PTPRQ: variants seen among roughly 807,000 people sequenced by gnomAD.
PTPRQ encodes phosphatidylinositol phosphatase PTPRQ.
In PTPRQ, 199 loss-of-function variants were observed where a neutral mutation model predicts 246.0. The ratio of observed to expected loss-of-function variants is 0.81; its 90% confidence interval spans 0.72 to 0.91. PTPRQ has a LOEUF of 0.91. Among genes scored for constraint, PTPRQ ranks in the 40% least tolerant of loss-of-function variants. The pLI, the probability that PTPRQ is intolerant of heterozygous loss-of-function variation, is 0.00. For synonymous variants in PTPRQ, 869 were observed against 853.2 expected (o/e 1.02, Z -0.32); for missense variants, 2,624 against 2,528.4 (o/e 1.04, Z -0.81).
intron 17 of PTPRQ, among the ~76,000 whole-genome samples, chr12:80,531,610 G>A (rs1244240276): frequency 2.6e-5 from 4 of 152,130 alleles, no homozygotes; most frequent in Non-Finnish European, 4.4e-5. Context: ...AATGGAGTTC[G>A]AGCCTTGGTG....
chr12:80,531,277 G>GA (rs1213717287), intron 17 of PTPRQ, among the ~76,000 whole-genome samples: 2 of 151,428 alleles, frequency 1.3e-5, no homozygotes, highest in South Asian at 2.1e-4. Flanking sequence ...CATGATAAGA[G>GA]AAAAAAATCA....
intron 6 of PTPRQ, among the ~76,000 whole-genome samples, chr12:80,466,700 C>T (rs28891836): frequency 0.091 from 13,894 of 152,174 alleles, 1,305 homozygotes; most frequent in African/African-American, 0.23. Flanking sequence ...TGAAATAACG[C>T]TGCATATCTA....
intron 18 of PTPRQ, 104 bp from the exon 19 acceptor site, chr12:80,534,788 A>AT (rs2120808818): frequency 1.5e-6 from 2 of 1,375,246 alleles, no homozygotes; most frequent in Non-Finnish European, 1.9e-6. Flanking sequence ...TTTGAAAAAC[A>AT]TTTTTTATCA....
intron 6 of PTPRQ, among the ~76,000 whole-genome samples, chr12:80,467,120 C>T (rs1413931365): frequency 6.6e-6 from 1 of 152,170 alleles, no homozygotes; most frequent in Non-Finnish European, 1.5e-5. Context: ...TGACAAAGGG[C>T]TAATATCCAG....
At chr12:80,483,748 C>A (rs910542291) in intron 8 of PTPRQ, among the ~76,000 whole-genome samples, 1 of 151,664 alleles carries the variant, frequency 6.6e-6, no homozygotes, top group Non-Finnish European at 1.5e-5. Flanking sequence ...CCCCACCCAC[C>A]GACAGGCCCC....
Position 80,542,898 on chromosome 12 carries a change from A to C in PTPRQ, c.3873+17A>C, listed in dbSNP as rs746422059. The C allele has an allele frequency of 2.2e-6, 3 of 1,351,710 alleles. No individual in the cohort carries two copies. The South Asian group carries it at 5.2e-5, about 24-fold the overall frequency. 83.7% of individuals were successfully genotyped at this position (1,351,710 alleles called of 1,614,324 possible). A position where few individuals can be genotyped will look rare whatever the true frequency, so the allele number is the denominator to read the frequency against. On this transcript the variant is annotated intron_variant, in intron 23 of 44. Transcript: ENST00000644991. ...TATTATAAGGTAGGTTGATTATAAC[A>C]GTATATGTTTATTTTTAAAAATCAG...
rs1454830845 is a variant in PTPRQ, at chr12:80,460,705, G to C, written c.713G>C (p.Gly238Ala). 5.0e-6 allele frequency: 2 copies of C among 399,088 alleles called. No individual in the cohort carries two copies. The highest frequency in any genetic ancestry group is 8.8e-6 in the Non-Finnish European group (2 of 226,178). The allele number at this position is 399,088 out of a possible 1,614,324, so 24.7% of individuals were successfully genotyped here. A position where few individuals can be genotyped will look rare whatever the true frequency, so the allele number is the denominator to read the frequency against. ...WSTASPSPTL[G>A]RVTPPSRTTH... ...ACAGCCAGCCCTTCTCCAACCCTTG[G>C]TAGAGTTACACCTCCATCGCGTACC... Residue 238 changes from glycine to alanine, a missense_variant, in exon 6 of 45, where the codon GGT becomes GCT. Gly to Ala is a moderately conservative substitution (Grantham distance 60). Transcript: ENST00000644991.
intron 39 of PTPRQ, among the ~76,000 whole-genome samples, chr12:80,662,020 C>T (rs1202798028): frequency 6.6e-6 from 1 of 151,868 alleles, no homozygotes; most frequent in Admixed American, 6.6e-5. Flanking sequence ...AGTCTCTAGG[C>T]CTATACATTG....
chr12:80,446,657 A>T (rs963269609), intron 3 of PTPRQ, among the ~76,000 whole-genome samples: 1 of 151,912 alleles, frequency 6.6e-6, no homozygotes, highest in African/African-American at 2.4e-5. Flanking sequence ...CATAGCTCCC[A>T]CTTGTAAGTG....
chr12:80,500,815 A>ACTGT (rs1894776217), intron 14 of PTPRQ, among the ~76,000 whole-genome samples: 1 of 152,022 alleles, frequency 6.6e-6, no homozygotes, highest in Non-Finnish European at 1.5e-5. Context: ...GAAACTTGAC[A>ACTGT]CTAGACAATC....
intron 8 of PTPRQ, among the ~76,000 whole-genome samples, chr12:80,481,832 G>A (rs903868913): frequency 7.2e-5 from 11 of 151,998 alleles, no homozygotes; most frequent in Middle Eastern, 3.2e-3. Flanking sequence ...TGTGAAGGAC[G>A]TCTTCAAGGA....
At position 80,606,330 on chromosome 12, in the gene PTPRQ, T is replaced by C. The variant is rs539480999; in HGVS notation, c.4731+1150T>C. The stretch of plus-strand genomic sequence containing the variant: ...GAGATTCACTATGGAATGTGCAAAG[T>C]AAGATGACAACCTAAGGACAGCACC... On this transcript the variant is annotated intron_variant, in intron 27 of 44. Coordinates refer to ENST00000644991, the MANE Select transcript of PTPRQ (RefSeq NM_001145026.2). 2.6e-5 allele frequency among the ~76,000 whole-genome samples: 4 copies of C among 150,998 alleles called. No individual in the cohort carries two copies. In the South Asian group the frequency reaches 6.2e-4, roughly 24 times the overall value.
intron 6 of PTPRQ, among the ~76,000 whole-genome samples, chr12:80,467,664 A>T (rs1330059595): frequency 6.6e-6 from 1 of 152,172 alleles, no homozygotes; most frequent in African/African-American, 2.4e-5. Flanking sequence ...ACACCATGGA[A>T]TACTATGCAG....
rs765803579 is a variant in PTPRQ, at chr12:80,488,702, T to C, written c.1359+4097T>C. Among the ~76,000 whole-genome samples, 110 of 152,086 alleles carry C rather than the reference T, an allele frequency of 7.2e-4. 1 individual carries two copies. Among genetic ancestry groups the C allele is most frequent in the Non-Finnish European group, 1.2e-3 (79 of 67,984 alleles). On this transcript the variant is annotated intron_variant, in intron 9 of 44. Transcript: ENST00000644991. Reference sequence around the variant, plus strand: ...TTGTAGCCATGTAGATATAACATGATGATTAAACTTAAAAATATAACCCTC... The same window carrying C: ...TTGTAGCCATGTAGATATAACATGACGATTAAACTTAAAAATATAACCCTC...
At chr12:80,643,312 C>A (rs1317218734) in intron 35 of PTPRQ, among the ~76,000 whole-genome samples, 1 of 151,952 alleles carries the variant, frequency 6.6e-6, no homozygotes, top group African/African-American at 2.4e-5. Flanking sequence ...GTGGCAGACA[C>A]CTGTAATCCC....
chr12:80,621,284 C>T (rs866182183), intron 32 of PTPRQ, among the ~76,000 whole-genome samples: 52 of 151,702 alleles, frequency 3.4e-4, no homozygotes, highest in African/African-American at 1.2e-3. Context: ...GATATACTAC[C>T]AAGTATCATG....
chr12:80,512,365 G>T (rs1565755503), intron 17 of PTPRQ, among the ~76,000 whole-genome samples: 1 of 152,108 alleles, frequency 6.6e-6, no homozygotes, highest in Non-Finnish European at 1.5e-5. Flanking sequence ...CATGTGGTTG[G>T]ATAGCATTTT....
At chr12:80,620,054 T>C (rs1402388011) in intron 31 of PTPRQ, 100 bp from the exon 32 acceptor site, 4 of 1,376,976 alleles carry the variant, frequency 2.9e-6, no homozygotes, top group Non-Finnish European at 3.8e-6. Context: ...TGATGTTGCA[T>C]CGAGAGTCCC....
intron 6 of PTPRQ, among the ~76,000 whole-genome samples, chr12:80,466,218 A>C (rs145774032): frequency 0.054 from 8,228 of 152,256 alleles, 287 homozygotes; most frequent in Middle Eastern, 0.088. Context: ...AACAACAGAC[A>C]AACAGAGAGC....
Sources: allele counts gnomAD v4.1 joint callset (sites outside exome capture counted in the v4.1 genomes callset), GRCh38; gene constraint gnomAD v4.1.1; transcripts MANE v1.5; gene names NCBI Gene and HGNC (gene_info 2026-07-23, HGNC 2026-07-21).